Variants in TSPAN18 observed in about 807,000 individuals in gnomAD.
The protein encoded by TSPAN18 is tetraspanin-18.
A neutral mutation model predicts 27.3 loss-of-function variants in TSPAN18; 14 were observed. That is an observed-to-expected ratio of 0.51 (90% CI 0.34 to 0.80). The LOEUF (loss-of-function observed/expected upper bound fraction) is 0.80, where lower values mean the gene tolerates loss of function less well. Ranked by LOEUF, TSPAN18 falls within the 30% of genes least tolerant of loss-of-function variation. The pLI is 0.01. For synonymous variants in TSPAN18, 143 were observed against 136.5 expected, an observed-to-expected ratio of 1.05 and a Z score of -0.33; for missense variants, 268 against 323.9, an observed-to-expected ratio of 0.83 and a Z score of 1.32.
intron 2 of TSPAN18, among the ~76,000 whole-genome samples, chr11:44,802,194 G>A (rs1856494984): frequency 6.6e-6 from 1 of 151,924 alleles, no homozygotes; most frequent in Admixed American, 6.6e-5. Flanking sequence ...ATGGACAGTG[G>A]AATACGGCAG....
intron 2 of TSPAN18, among the ~76,000 whole-genome samples, chr11:44,813,533 C>A (rs1026900708): frequency 1.3e-5 from 2 of 152,156 alleles, no homozygotes; most frequent in Non-Finnish European, 2.9e-5. Context: ...GAGTGGCTGC[C>A]AAAGGGCTCT....
chr11:44,871,805 GCCCATAC>G (rs1335427285), intron 3 of TSPAN18, among the ~76,000 whole-genome samples: 2 of 152,206 alleles, frequency 1.3e-5, no homozygotes, highest in African/African-American at 4.8e-5. Flanking sequence ...GGGATGCCCA[GCCCATAC>G]CCTTGGACTT....
intron 3 of TSPAN18, among the ~76,000 whole-genome samples, chr11:44,893,462 T>C (rs1858926252): frequency 6.6e-6 from 1 of 152,174 alleles, no homozygotes; most frequent in South Asian, 2.1e-4. Context: ...CAATTGCTTG[T>C]TTATGAGACC....
chr11:44,749,786 G>A (rs527486205), intron 1 of TSPAN18, among the ~76,000 whole-genome samples: 11 of 152,082 alleles, frequency 7.2e-5, no homozygotes, highest in South Asian at 2.1e-4. Flanking sequence ...ACAGGTGCCC[G>A]CTACCATGCC....
chr11:44,785,569 T>C (rs1856037159), intron 2 of TSPAN18, among the ~76,000 whole-genome samples: 2 of 151,706 alleles, frequency 1.3e-5, no homozygotes, highest in African/African-American at 4.9e-5. Context: ...AATGCCTCAT[T>C]TGTGCTTTGG....
chr11:44,771,904 T>C (rs988873185), intron 2 of TSPAN18, among the ~76,000 whole-genome samples: 17 of 152,248 alleles, frequency 1.1e-4, no homozygotes, highest in African/African-American at 3.9e-4. Context: ...GATGACTGTT[T>C]ATATAAAGAG....
chr11:44,820,838 G>A (rs1337260331), intron 2 of TSPAN18, among the ~76,000 whole-genome samples: 15 of 152,096 alleles, frequency 9.9e-5, no homozygotes, highest in Admixed American at 9.8e-4. Context: ...GTTTAAAGGA[G>A]CATAGCTTCT....
At chr11:44,894,067 G>C (rs564542388) in intron 3 of TSPAN18, among the ~76,000 whole-genome samples, 9 of 152,316 alleles carry the variant, frequency 5.9e-5, no homozygotes, top group African/African-American at 1.9e-4. Flanking sequence ...CCAAGCCCAG[G>C]GCTGGCGCTG....
chr11:44,851,158 A>G (rs1219164646), intron 2 of TSPAN18, among the ~76,000 whole-genome samples: 1 of 152,188 alleles, frequency 6.6e-6, no homozygotes, highest in Admixed American at 6.5e-5. Context: ...TGGAGAGAAG[A>G]GGGAAGCTCC....
At chr11:44,877,227 G>T (rs368852462) in intron 3 of TSPAN18, among the ~76,000 whole-genome samples, 24 of 152,364 alleles carry the variant, frequency 1.6e-4, no homozygotes, top group East Asian at 5.8e-4. Context: ...GGTATGGCAG[G>T]CTGGGGCGGG....
chr11:44,855,239 T>C (rs911943787), intron 2 of TSPAN18, among the ~76,000 whole-genome samples: 3 of 152,152 alleles, frequency 2.0e-5, no homozygotes, highest in African/African-American at 7.2e-5. Context: ...AGTCATAAAA[T>C]ACCCTTTTTC....
At chr11:44,775,199 A>T (rs751704) in intron 2 of TSPAN18, among the ~76,000 whole-genome samples, 65,937 of 152,060 alleles carry the variant, frequency 0.43, 15,617 homozygotes, top group Non-Finnish European at 0.52. Context: ...AATTTTTAGC[A>T]TAAATCTGCC....
intron 2 of TSPAN18, among the ~76,000 whole-genome samples, chr11:44,819,113 A>G (rs1290702093): frequency 6.6e-6 from 1 of 152,194 alleles, no homozygotes; most frequent in Non-Finnish European, 1.5e-5. Context: ...GATCTGGGGA[A>G]GGAGTCAGGC....
rs1856971270 is a variant in TSPAN18 at position 44,823,460 on chromosome 11, TGA to T, written c.-152-36866_-152-36865del. The stretch of plus-strand genomic sequence containing the variant: ...AGGGCTTTTTATGGACTCACAATGG[TGA>T]GTGCATGCCAATTGATTTAGGAGTA... On this transcript the variant is annotated intron_variant, in intron 2 of 9. Transcript: ENST00000520358. Among the ~76,000 whole-genome samples the T allele has an allele frequency of 2.0e-5, 3 of 151,812 alleles. No individual in the cohort carries two copies. The East Asian group carries it at 5.8e-4, about 30-fold the overall frequency.
At chr11:44,761,293 G>T (rs1168138359) in intron 1 of TSPAN18, among the ~76,000 whole-genome samples, 1 of 152,112 alleles carries the variant, frequency 6.6e-6, no homozygotes, top group Admixed American at 6.6e-5. Context: ...TTGCACCCAG[G>T]ACCCGTTCCT....
chr11:44,812,555 T>C (rs942997360), intron 2 of TSPAN18, among the ~76,000 whole-genome samples: 1 of 151,586 alleles, frequency 6.6e-6, no homozygotes, highest in Non-Finnish European at 1.5e-5. Context: ...CCAGGGGAGG[T>C]GGTGCAAACT....
intron 2 of TSPAN18, among the ~76,000 whole-genome samples, chr11:44,830,229 A>G (rs1267202094): frequency 6.6e-6 from 1 of 152,196 alleles, no homozygotes; most frequent in African/African-American, 2.4e-5. Flanking sequence ...TTCAGTGTTC[A>G]ATGCAGATAC....
At chr11:44,765,110 G>A (rs1198534461) in intron 2 of TSPAN18, among the ~76,000 whole-genome samples, 1 of 152,130 alleles carries the variant, frequency 6.6e-6, no homozygotes, top group East Asian at 1.9e-4. Context: ...GAAGCTTTCT[G>A]GATGAAAAGC....
At chr11:44,780,078 C>T (rs531253787) in intron 2 of TSPAN18, among the ~76,000 whole-genome samples, 1 of 152,338 alleles carries the variant, frequency 6.6e-6, no homozygotes, top group Admixed American at 6.5e-5. Context: ...CAAACGTCTT[C>T]ACACACCTCT....
Sources: allele counts gnomAD v4.1 joint callset (sites outside exome capture counted in the v4.1 genomes callset), GRCh38; gene constraint gnomAD v4.1.1; transcripts MANE v1.5; gene names NCBI Gene and HGNC (gene_info 2026-07-23, HGNC 2026-07-21).